The following HS1BP3 variants were observed in gnomAD, a reference collection of about 807,000 sequenced individuals.
HS1BP3 encodes HCLS1-binding protein 3.
HS1BP3 carries 32 observed loss-of-function variants against 33.5 expected under a neutral mutation model. That is an observed-to-expected ratio of 0.95 (90% CI 0.72 to 1.28). HS1BP3 has a LOEUF of 1.28. HS1BP3 is among the 50% of genes most tolerant of loss of function. HS1BP3 has a pLI of 0.00. For synonymous variants in HS1BP3, 187 were observed against 209.2 expected (o/e 0.89, Z 0.92); for missense variants, 486 against 502.3 (o/e 0.97, Z 0.31).
intron 5 of HS1BP3, among the ~76,000 whole-genome samples, 162 bp from the exon 6 acceptor site, chr2:20,624,193 CAAT>C (rs1694697972): frequency 6.6e-6 from 1 of 152,188 alleles, no homozygotes; most frequent in Non-Finnish European, 1.5e-5. Flanking sequence ...AACTGTCAGG[CAAT>C]GACCTGTCTC....
intron 5 of HS1BP3, among the ~76,000 whole-genome samples, chr2:20,570,855 G>A (rs189545095): frequency 6.6e-6 from 1 of 152,294 alleles, no homozygotes; most frequent in South Asian, 2.1e-4. Flanking sequence ...TTGCATAAAG[G>A]GTCACTGTTT....
intron 3 of HS1BP3, chr2:20,639,880 G>C (rs879583581): frequency 6.6e-6 from 1 of 152,218 alleles, no homozygotes; most frequent in Non-Finnish European, 1.5e-5. Context: ...AGACAGGCAA[G>C]GAAGGAAGGG....
At chr2:20,639,632 C>T (rs1233760483) in intron 3 of HS1BP3, among the ~76,000 whole-genome samples, 1 of 152,228 alleles carries the variant, frequency 6.6e-6, no homozygotes, top group Non-Finnish European at 1.5e-5. Flanking sequence ...ATGTGAAAAG[C>T]CATTCAAAAT....
At chr2:20,640,698 G>A (rs1558349268) in intron 3 of HS1BP3, 1 of 586,822 alleles carries the variant, frequency 1.7e-6, no homozygotes, top group East Asian at 2.8e-5. Context: ...CTCTAGGAAT[G>A]GGGCTGGCCA....
At chr2:20,627,998 C>T (rs4666446) in intron 4 of HS1BP3, among the ~76,000 whole-genome samples, 1 of 151,944 alleles carries the variant, frequency 6.6e-6, no homozygotes, top group East Asian at 1.9e-4. Context: ...TTCTGTTAAT[C>T]CCCAAGGCGG....
chr2:20,575,764 C>G (rs1225204594), intron 5 of HS1BP3, among the ~76,000 whole-genome samples: 3 of 6,082 alleles, frequency 4.9e-4, no homozygotes, highest in African/African-American at 6.0e-4. Context: ...GGTTCCACCC[C>G]CCCCCCCCCC....
chr2:20,645,827 C>T (rs1012908000), intron 1 of HS1BP3, among the ~76,000 whole-genome samples: 1 of 152,256 alleles, frequency 6.6e-6, no homozygotes, highest in Admixed American at 6.5e-5. Context: ...GTGGGAGCAG[C>T]ATCCTAGGGC....
chr2:20,615,106 G>A (rs535500689), downstream of HS1BP3, among the ~76,000 whole-genome samples: 1 of 152,238 alleles, frequency 6.6e-6, no homozygotes, highest in Admixed American at 6.5e-5. Flanking sequence ...GTACCGGGCA[G>A]GGAAGTCCCT....
chr2:20,614,060 CACAG>C (rs1209931359), downstream of HS1BP3, among the ~76,000 whole-genome samples: 1 of 152,114 alleles, frequency 6.6e-6, no homozygotes, highest in Non-Finnish European at 1.5e-5. Context: ...TGGGCACAGA[CACAG>C]AGAAGACACC....
chr2:20,624,723 T>G lies in HS1BP3; in HGVS notation c.784+9A>C, dbSNP rs1694716467. 1.3e-6 allele frequency: 2 copies of G among 1,580,114 alleles called. No individual in the cohort carries two copies. Among genetic ancestry groups the G allele is most frequent in the Non-Finnish European group, 1.7e-6 (2 of 1,161,460 alleles). On this transcript the variant is annotated intron_variant, in intron 5 of 6. Coordinates refer to ENST00000304031, the MANE Select transcript of HS1BP3 (RefSeq NM_022460.4). Reference sequence around the variant, plus strand: ...GGACACCAGGAGCAGACCATGGGGCTCTACTTACGGTCCACGGATGACACG... The same window carrying G: ...GGACACCAGGAGCAGACCATGGGGCGCTACTTACGGTCCACGGATGACACG...
chr2:20,587,188 A>G (rs1373450680), intron 5 of HS1BP3, among the ~76,000 whole-genome samples: 1 of 152,252 alleles, frequency 6.6e-6, no homozygotes, highest in African/African-American at 2.4e-5. Context: ...GAATAAATAC[A>G]TTATGATATG....
At chr2:20,648,330 C>T (rs1211608402) in intron 1 of HS1BP3, among the ~76,000 whole-genome samples, 1 of 152,188 alleles carries the variant, frequency 6.6e-6, no homozygotes, top group Non-Finnish European at 1.5e-5. Flanking sequence ...ATCTTGAACC[C>T]TTTCCAGCCA....
At chr2:20,634,679 G>C (rs1319903819) in intron 4 of HS1BP3, 1 of 152,256 alleles carries the variant, frequency 6.6e-6, no homozygotes. Context: ...AATGTGCCAG[G>C]AGCATTCAAA....
chr2:20,627,362 G>C (rs1192036340), intron 4 of HS1BP3, among the ~76,000 whole-genome samples: 1 of 152,254 alleles, frequency 6.6e-6, no homozygotes, highest in African/African-American at 2.4e-5. Context: ...GGCCCCTCGG[G>C]GCAGGGGAGC....
chr2:20,577,758 C>T (rs944294521), intron 5 of HS1BP3, among the ~76,000 whole-genome samples: 1 of 152,202 alleles, frequency 6.6e-6, no homozygotes. Context: ...GGCTAGGTCG[C>T]ATTCTTGGAG....
chr2:20,564,021 A>G (rs1254751116), intron 5 of HS1BP3, among the ~76,000 whole-genome samples: 1 of 152,214 alleles, frequency 6.6e-6, no homozygotes, highest in African/African-American at 2.4e-5. Flanking sequence ...GAGGAGAGCC[A>G]GGAGGACGGG....
At chr2:20,583,951 C>T (rs73919922) in intron 5 of HS1BP3, among the ~76,000 whole-genome samples, 6,427 of 152,232 alleles carry the variant, frequency 0.042, 435 homozygotes, top group African/African-American at 0.14. Flanking sequence ...CCCACGGCTC[C>T]GGGTTTCTGA....
chr2:20,592,085 C>T (rs993066576), downstream of HS1BP3, among the ~76,000 whole-genome samples: 3 of 152,094 alleles, frequency 2.0e-5, no homozygotes, highest in Non-Finnish European at 4.4e-5. Context: ...TGAAGGTTTC[C>T]AGGAGGACAC....
intron 5 of HS1BP3, among the ~76,000 whole-genome samples, chr2:20,571,381 T>A (rs1034863821): frequency 2.2e-4 from 34 of 152,036 alleles, no homozygotes; most frequent in African/African-American, 8.2e-4. Context: ...CCCATGCACC[T>A]CCAGACTCTT....
Sources: gnomAD v4.1 joint callset for allele counts (sites outside exome capture counted in the v4.1 genomes callset) on GRCh38, gnomAD v4.1.1 for gene constraint, MANE v1.5 for transcripts, NCBI Gene and HGNC (gene_info 2026-07-23, HGNC 2026-07-21) for gene names.